NRXN2: variants seen among roughly 807,000 people sequenced by gnomAD.
The protein encoded by NRXN2 is neurexin-2-beta.
NRXN2 carries 29 observed loss-of-function variants against 128.8 expected under a neutral mutation model. That is an observed-to-expected ratio of 0.23 (90% CI 0.17 to 0.31). NRXN2 has a LOEUF of 0.31. NRXN2 is among the 10% of genes least tolerant of loss of function. The pLI, the probability that NRXN2 is intolerant of heterozygous loss-of-function variation, is 1.00. For missense variants in NRXN2, 1,881 were observed against 2,452.6 expected, an observed-to-expected ratio of 0.77 and a Z score of 4.92; for synonymous variants, 1,098 against 1,075.2, an observed-to-expected ratio of 1.02 and a Z score of -0.41.
chr11:64,712,991 C>G lies in NRXN2; in HGVS notation c.709G>C (p.Gly237Arg), dbSNP rs2057095317. 6.7e-7 allele frequency: 1 copy of G among 1,496,398 alleles called. No individual in the cohort carries two copies. The highest frequency in any genetic ancestry group is 8.9e-7 in the Non-Finnish European group (1 of 1,127,972). The allele number at this position is 1,496,398 out of a possible 1,614,324, so 92.7% of individuals were successfully genotyped here. A position where few individuals can be genotyped will look rare whatever the true frequency, so the allele number is the denominator to read the frequency against. Residue 237 changes from glycine (G) to arginine (R), a missense_variant, in exon 2 of 23, where the codon GGC becomes CGC. By Grantham distance (125) the Gly-to-Arg change is moderately radical (BLOSUM62 -2). This residue lies in a region of NRXN2 where 997 missense variants were observed against 1,240.8 expected (regional missense o/e 0.80). Coordinates refer to ENST00000265459, the MANE Select transcript of NRXN2 (RefSeq NM_015080.4). ...TCACCTTCGCTGCAGAACTTGCCGC[C>G]GAAGCCCGTGTGGCTGCAGTCGCAG... ...VGCDCSHTGF[G>R]GKFCSEEEHP...
At chr11:64,620,436 G>T in intron 21 of NRXN2, 64 bp from the exon 22 acceptor site, 1 of 1,295,014 alleles carries the variant, frequency 7.7e-7, no homozygotes, top group Non-Finnish European at 1.1e-6. Flanking sequence ...TCCCACAGCT[G>T]CCACTTGAGG....
At chr11:64,653,024 G>A (rs772286144) in intron 12 of NRXN2, among the ~76,000 whole-genome samples, 10 of 146,410 alleles carry the variant, frequency 6.8e-5, no homozygotes, top group Non-Finnish European at 1.4e-4. Flanking sequence ...GGCCTACCAC[G>A]TGCATGTGCT....
At position 64,661,152 on chromosome 11, in the gene NRXN2, G is replaced by A. The variant is rs750338303; in HGVS notation, c.1799-13C>T. 5.6e-6 allele frequency: 9 copies of A among 1,613,324 alleles called. No individual in the cohort carries two copies. The highest frequency in any genetic ancestry group is 7.6e-6 in the Non-Finnish European group (9 of 1,180,012). On this transcript the variant is annotated splice_polypyrimidine_tract_variant and intron_variant, in intron 9 of 22. Transcript: ENST00000265459. ...ACTGAGATGGAGCCTGGGAATCAAG[G>A]GAAGGCAGGATGGAGAAAAGCCACA...
At position 64,660,125 on chromosome 11, in the gene NRXN2, T is replaced by C. The variant is rs2048811086; in HGVS notation, c.2389+207A>G. On this transcript the variant is annotated intron_variant, in intron 11 of 22. Transcript: ENST00000265459. This position sits in a 1 kb window ranked among gnomAD's most constrained non-coding sequence, Gnocchi z 5.2. Reference sequence around the variant, plus strand: ...CTGGGTCTTGCCCCTCACAGTGTCGTCGAGCATGGAATGTCGCCCTACACT... The same window carrying C: ...CTGGGTCTTGCCCCTCACAGTGTCGCCGAGCATGGAATGTCGCCCTACACT... Among the ~76,000 whole-genome samples, 1 of 152,166 alleles carries C rather than the reference T, an allele frequency of 6.6e-6. No homozygotes were observed. The highest frequency in any genetic ancestry group is 1.5e-5 in the Non-Finnish European group (1 of 68,024).
chr11:64,681,184 C>T (rs1018589533), intron 6 of NRXN2, among the ~76,000 whole-genome samples: 1 of 149,982 alleles, frequency 6.7e-6, no homozygotes, highest in East Asian at 1.9e-4. Context: ...TAGTTCAGTG[C>T]TCACATGAAG....
intron 17 of NRXN2, among the ~76,000 whole-genome samples, chr11:64,640,566 G>T (rs564397876): frequency 6.6e-6 from 1 of 152,138 alleles, no homozygotes; most frequent in African/African-American, 2.4e-5. Context: ...TCCTGGGGAG[G>T]GGGAGGGAGT....
At chr11:64,707,977 C>T (rs1166461391) in intron 2 of NRXN2, among the ~76,000 whole-genome samples, 6 of 152,118 alleles carry the variant, frequency 3.9e-5, no homozygotes, top group Non-Finnish European at 8.8e-5. Context: ...CCTATAATCC[C>T]AGCTACTATG....
Position 64,608,034 on chromosome 11 carries a change from G to C in NRXN2, c.4301C>G (p.Pro1434Arg), listed in dbSNP as rs779835471. The change falls in exon 23 of 23, where the codon CCT becomes CGT. Residue 1434 changes from proline to arginine, a missense_variant. Pro to Arg is a moderately radical substitution (Grantham distance 103, BLOSUM62 -2). Transcript: ENST00000265459. The stretch of plus-strand genomic sequence containing the variant: ...GAAGGGGGATCGGGTGGCCACGGGA[G>C]GGGGGTCTAAGGAGTCCTCCGTGAT... ...PIITEDSLDP[P>R]PVATRSPFVP... 1.3e-6 allele frequency: 2 copies of C among 1,571,432 alleles called. No homozygotes were observed. The highest frequency in any genetic ancestry group is 2.3e-5 in the East Asian group (1 of 44,000).
intron 15 of NRXN2, among the ~76,000 whole-genome samples, chr11:64,649,981 G>C (rs188116689): frequency 1.3e-5 from 2 of 152,080 alleles, no homozygotes; most frequent in Admixed American, 1.3e-4. Flanking sequence ...GGGAAGCCTA[G>C]GTCCAAAATG....
intron 6 of NRXN2, among the ~76,000 whole-genome samples, chr11:64,679,763 C>T (rs1195252480): frequency 6.6e-6 from 1 of 152,156 alleles, no homozygotes; most frequent in South Asian, 2.1e-4. Context: ...TGAGATGGGG[C>T]CCCTCTAGAC....
intron 1 of NRXN2, among the ~76,000 whole-genome samples, chr11:64,715,147 CAG>C (rs1347222555): frequency 6.6e-6 from 1 of 152,164 alleles, no homozygotes; most frequent in Non-Finnish European, 1.5e-5. Flanking sequence ...AAAGAAAAGA[CAG>C]AGAAAATTAA....
chr11:64,680,287 C>T (rs1592065592), intron 6 of NRXN2, among the ~76,000 whole-genome samples: 1 of 152,160 alleles, frequency 6.6e-6, no homozygotes. Flanking sequence ...GGGGTGAAGA[C>T]AATCTGTGGA....
At chr11:64,641,661 ATGAGAAGG>A (rs2045682362) in intron 17 of NRXN2, among the ~76,000 whole-genome samples, 1 of 151,932 alleles carries the variant, frequency 6.6e-6, no homozygotes, top group Non-Finnish European at 1.5e-5. Context: ...AAGGACGGAA[ATGAGAAGG>A]TGATGGGGTC....
intron 4 of NRXN2, among the ~76,000 whole-genome samples, chr11:64,690,843 C>T (rs191424761): frequency 5.3e-4 from 81 of 152,212 alleles, no homozygotes; most frequent in South Asian, 1.5e-3. Context: ...TTCAACTGCT[C>T]GCTCATTCTC....
rs761962421 is a variant in NRXN2 at position 64,622,876 on chromosome 11, C to T, written c.4050G>A (p.Ala1350=). The change falls in exon 21 of 23, where the codon GCG becomes GCA. Residue 1350 remains alanine, a synonymous_variant. Transcript: ENST00000265459. The surrounding 1 kb of genome is among the most constrained non-coding windows in gnomAD (Gnocchi z 4.3). ...VGEGPSVLLS[A]ETTATTLLAD... ...CCAGCAGGGTGGTGGCCGTGGTCTC[C>T]GCACTGAGCAGCACGGACGGCCCCT... The T allele has an allele frequency of 1.2e-5, 19 of 1,612,782 alleles. No individual in the cohort carries two copies. Among genetic ancestry groups the T allele is most frequent in the East Asian group, 2.2e-5 (1 of 44,860 alleles).
chr11:64,649,521 G>A (rs1325143811), intron 15 of NRXN2, among the ~76,000 whole-genome samples: 1 of 152,298 alleles, frequency 6.6e-6, no homozygotes, highest in Admixed American at 6.5e-5. Flanking sequence ...CTGGCCACGG[G>A]CTCAGTACAA....
chr11:64,632,990 C>T lies in NRXN2; in HGVS notation c.3585+2281G>A, dbSNP rs750772855. 6.6e-6 allele frequency among the ~76,000 whole-genome samples: 1 copy of T among 152,162 alleles called. No homozygotes were observed. The highest frequency in any genetic ancestry group is 1.5e-5 in the Non-Finnish European group (1 of 68,006). On this transcript the variant is annotated intron_variant, in intron 18 of 22. Coordinates refer to ENST00000265459, the MANE Select transcript of NRXN2 (RefSeq NM_015080.4). This position sits in a 1 kb window ranked among gnomAD's most constrained non-coding sequence, Gnocchi z 4.2. ...ACCAGGGGAGGAAGGGGTTTGGGGGCTGCCCCCAGGGGGCCTCAGCCCATC... is the reference window on the plus strand; with the variant it reads ...ACCAGGGGAGGAAGGGGTTTGGGGGTTGCCCCCAGGGGGCCTCAGCCCATC...
At chr11:64,664,215 G>C (rs1039260641) in intron 9 of NRXN2, among the ~76,000 whole-genome samples, 1 of 152,172 alleles carries the variant, frequency 6.6e-6, no homozygotes, top group Non-Finnish European at 1.5e-5. Context: ...GGTGGCTCAC[G>C]CCTGTAATCC....
intron 21 of NRXN2, among the ~76,000 whole-genome samples, chr11:64,620,615 C>T (rs955644251): frequency 6.6e-6 from 1 of 151,482 alleles, no homozygotes; most frequent in Non-Finnish European, 1.5e-5. Context: ...GTCAGTGAAA[C>T]AGCACACATG....
Sources: gnomAD v4.1 joint callset for allele counts (sites outside exome capture counted in the v4.1 genomes callset) on GRCh38, gnomAD v4.1.1 for gene constraint, gnomAD v4.1.1 regional missense constraint, Gnocchi (gnomAD v3.1) non-coding constraint, MANE v1.5 for transcripts, NCBI Gene and HGNC (gene_info 2026-07-23, HGNC 2026-07-21) for gene names.